Variants in DNAH7 observed in about 807,000 individuals in gnomAD.
DNAH7 encodes the protein dynein axonemal heavy chain 7, also known as axonemal beta dynein heavy chain 7.
DNAH7 carries 397 observed loss-of-function variants against 444.6 expected under a neutral mutation model. The observed-to-expected ratio is 0.89, with a 90% CI of 0.82 to 0.97. DNAH7 has a LOEUF of 0.97. DNAH7 is among the 50% of genes least tolerant of loss of function. DNAH7 has a pLI of 0.00. For synonymous variants in DNAH7, 1,636 were observed against 1,624.4 expected (o/e 1.01, Z -0.17); for missense variants, 4,902 against 4,800.8 (o/e 1.02, Z -0.62).
At chr2:196,058,778 G>A (rs1697970199) in intron 1 of DNAH7, among the ~76,000 whole-genome samples, 1 of 152,068 alleles carries the variant, frequency 6.6e-6, no homozygotes, top group Admixed American at 6.5e-5. Context: ...TTCTACAGAT[G>A]GAACATAATC....
chr2:195,815,560 T>A (rs976566176), intron 51 of DNAH7, among the ~76,000 whole-genome samples: 1 of 152,236 alleles, frequency 6.6e-6, no homozygotes, highest in African/African-American at 2.4e-5. Flanking sequence ...CTGTGAGTGA[T>A]AAAAATTAAA....
rs1356364796 is a variant in DNAH7, at chr2:195,806,666, A to C, written c.10176+74T>G. 2.4e-6 allele frequency: 3 copies of C among 1,275,800 alleles called. No individual in the cohort carries two copies. In the Admixed American group the frequency reaches 5.7e-5, roughly 24 times the overall value. 79.0% of individuals were successfully genotyped at this position (1,275,800 alleles called of 1,614,324 possible). The stretch of plus-strand genomic sequence containing the variant: ...CTACCTCCCCCATGATTACATAAGG[A>C]AACGCACATTTGGATGGACTGAGCA... On this transcript the variant is annotated intron_variant, in intron 54 of 64. Transcript: ENST00000312428.
rs1696736269 is a variant in DNAH7, at chr2:195,806,797, T to G, written c.10119A>C (p.Glu3373Asp). 1.2e-6 allele frequency: 2 copies of G among 1,613,682 alleles called. No homozygotes were observed. Among genetic ancestry groups the G allele is most frequent in the Non-Finnish European group, 8.5e-7 (1 of 1,179,768 alleles). The change falls in exon 54 of 65, where the codon GAA becomes GAC. Residue 3373 changes from glutamate to aspartate, a missense_variant. Coordinates refer to ENST00000312428, the MANE Select transcript of DNAH7 (RefSeq NM_018897.3). Reference protein sequence around the residue: ...PHHEVFPEEWEDKANEFQRML... With the variant: ...PHHEVFPEEWDDKANEFQRML... ...TCCTTTGAAACTCATTTGCTTTATC[T>G]TCCCATTCTTCAGGGAAAACCTCAT...
At chr2:195,752,930 C>G (rs1693871896) in intron 63 of DNAH7, among the ~76,000 whole-genome samples, 1 of 152,152 alleles carries the variant, frequency 6.6e-6, no homozygotes, top group Admixed American at 6.5e-5. Flanking sequence ...AAAGACAATT[C>G]TTTTGAGGAA....
At chr2:195,780,798 A>C (rs896992546) in intron 58 of DNAH7, among the ~76,000 whole-genome samples, 1 of 151,932 alleles carries the variant, frequency 6.6e-6, no homozygotes, top group Non-Finnish European at 1.5e-5. Context: ...TTATACTAAA[A>C]TATAGTAATC....
chr2:195,905,648 G>A (rs1686967522), intron 27 of DNAH7: 1 of 152,066 alleles, frequency 6.6e-6, no homozygotes, highest in African/African-American at 2.4e-5. Flanking sequence ...CCATACATAT[G>A]CAATTCATCA....
At chr2:195,804,481 G>A (rs540818595) in intron 54 of DNAH7, among the ~76,000 whole-genome samples, 4 of 152,280 alleles carry the variant, frequency 2.6e-5, no homozygotes, top group South Asian at 2.1e-4. Flanking sequence ...GTATCACCAC[G>A]ATAGACTGAG....
intron 35 of DNAH7, among the ~76,000 whole-genome samples, chr2:195,882,858 C>A (rs1013504918): frequency 2.0e-5 from 3 of 152,144 alleles, no homozygotes; most frequent in Admixed American, 2.0e-4. Context: ...TTCCCTGGGC[C>A]CGAGCTTTGA....
chr2:195,776,952 T>C (rs1695092144), intron 59 of DNAH7, among the ~76,000 whole-genome samples: 1 of 152,178 alleles, frequency 6.6e-6, no homozygotes, highest in Non-Finnish European at 1.5e-5. Context: ...TGGCAATTCA[T>C]CATTGGAGAT....
chr2:195,766,025 C>T (rs965171080), intron 61 of DNAH7, among the ~76,000 whole-genome samples: 2 of 151,898 alleles, frequency 1.3e-5, no homozygotes, highest in Admixed American at 1.3e-4. Context: ...TTATACACAA[C>T]AGTGTATTAT....
At chr2:195,958,676 T>C (rs373775414) in intron 18 of DNAH7, among the ~76,000 whole-genome samples, 85 of 152,328 alleles carry the variant, frequency 5.6e-4, no homozygotes, top group Non-Finnish European at 9.7e-4. Flanking sequence ...ATAGAGAATA[T>C]AGATAATGAT....
At chr2:195,778,013 T>A (rs1695143905) in intron 58 of DNAH7, 28 bp from the exon 59 acceptor site, 1 of 1,567,120 alleles carries the variant, frequency 6.4e-7, no homozygotes, top group Non-Finnish European at 8.7e-7. Flanking sequence ...AGTCAACCAG[T>A]TATCAGTAGC....
intron 8 of DNAH7, among the ~76,000 whole-genome samples, chr2:196,020,337 A>C (rs1332259219): frequency 1.3e-5 from 2 of 152,136 alleles, no homozygotes; most frequent in Admixed American, 6.6e-5. Flanking sequence ...GTTAAAGATC[A>C]ACTGTATTCT....
chr2:195,952,135 A>G (rs1196818568), intron 19 of DNAH7, among the ~76,000 whole-genome samples: 1 of 152,162 alleles, frequency 6.6e-6, no homozygotes, highest in Non-Finnish European at 1.5e-5. Flanking sequence ...GGTGTTGACA[A>G]AATCTCTCAG....
chr2:195,771,846 CACT>C lies in DNAH7; in HGVS notation c.11244_11246del (p.Val3749del). The stretch of plus-strand genomic sequence containing the variant: ...CCAAGATGTCACTAGCGACCTCATT[CACT>C]ACTTCATCTGATGATTTTGCACCAG... On this transcript the variant is annotated inframe_deletion, in exon 61 of 65. Coordinates refer to ENST00000312428, the MANE Select transcript of DNAH7 (RefSeq NM_018897.3). The C allele has an allele frequency of 6.2e-7, 1 of 1,614,178 alleles. No homozygotes were observed. The highest frequency in any genetic ancestry group is 8.5e-7 in the Non-Finnish European group (1 of 1,180,022).
intron 5 of DNAH7, among the ~76,000 whole-genome samples, chr2:196,038,272 T>A (rs768449507): frequency 1.3e-5 from 2 of 151,950 alleles, no homozygotes; most frequent in Non-Finnish European, 2.9e-5. Context: ...GAGACCTACA[T>A]CTGGAAGCAA....
At chr2:195,803,159 C>A (rs1404362231) in intron 54 of DNAH7, among the ~76,000 whole-genome samples, 4 of 152,130 alleles carry the variant, frequency 2.6e-5, no homozygotes, top group African/African-American at 7.2e-5. Flanking sequence ...AAAAAAACCC[C>A]ACTTTTTCCG....
At chr2:195,888,516 C>A (rs1701836334) in intron 32 of DNAH7, 82 bp from the exon 33 acceptor site, 1 of 1,387,950 alleles carries the variant, frequency 7.2e-7, no homozygotes, top group Non-Finnish European at 9.6e-7. Flanking sequence ...TTTTTATAAC[C>A]TTCAGCAAAG....
chr2:196,026,819 A>C lies in DNAH7; in HGVS notation c.608T>G (p.Ile203Arg). The C allele has an allele frequency of 1.2e-6, 2 of 1,612,700 alleles. No homozygotes were observed. The highest frequency in any genetic ancestry group is 1.1e-5 in the South Asian group (1 of 91,018). ...TCTCATTTCATCAGATAATGTAACTATGCTGTCAGTGAAGACTTTCAGATG... is the reference window on the plus strand; with the variant it reads ...TCTCATTTCATCAGATAATGTAACTCTGCTGTCAGTGAAGACTTTCAGATG... ...PQHLKVFTDS[I>R]VTLSDEMRED... Residue 203 changes from isoleucine (I) to arginine (R), a missense_variant, in exon 7 of 65, where the codon ATA (isoleucine) becomes AGA (arginine). By Grantham distance (97) the Ile-to-Arg change is moderately conservative (BLOSUM62 -3). Coordinates refer to ENST00000312428, the MANE Select transcript of DNAH7 (RefSeq NM_018897.3).
Sources: allele counts gnomAD v4.1 joint callset (sites outside exome capture counted in the v4.1 genomes callset), GRCh38; gene constraint gnomAD v4.1.1; transcripts MANE v1.5; gene names NCBI Gene and HGNC (gene_info 2026-07-23, HGNC 2026-07-21).